The following GALNT13 variants were observed in gnomAD, a reference collection of about 807,000 sequenced individuals.
GALNT13 encodes UDP-GalNAc:polypeptide N-acetylgalactosaminyltransferase 13.
GALNT13 carries 28 observed loss-of-function variants against 64.2 expected under a neutral mutation model. That is an observed-to-expected ratio of 0.44 (90% CI 0.32 to 0.60). GALNT13 has a LOEUF of 0.60. Among genes scored for constraint, GALNT13 ranks in the 20% least tolerant of loss-of-function variants. The probability of loss-of-function intolerance (pLI) is 0.05; values close to 1 mark genes in which losing one functional copy is unlikely to be tolerated. For synonymous variants in GALNT13, 214 were observed against 224.6 expected, an observed-to-expected ratio of 0.95 and a Z score of 0.42; for missense variants, 577 against 669.8, an observed-to-expected ratio of 0.86 and a Z score of 1.53.
intron 4 of GALNT13, among the ~76,000 whole-genome samples, chr2:154,171,980 A>G (rs1685376100): frequency 7.0e-6 from 1 of 142,988 alleles, no homozygotes; most frequent in South Asian, 2.1e-4. Context: ...ATACACACAC[A>G]CACACACACA....
chr2:153,839,624 A>C, the GALNT13 span, among the ~76,000 whole-genome samples: 3 of 152,000 alleles, frequency 2.0e-5, no homozygotes, highest in Non-Finnish European at 4.4e-5. Flanking sequence ...AAAGTTTTTC[A>C]CAATATTTCT....
chr2:153,361,510 G>T, the GALNT13 span, among the ~76,000 whole-genome samples: 20 of 152,014 alleles, frequency 1.3e-4, no homozygotes, highest in African/African-American at 4.8e-4. Flanking sequence ...AGAATAACCA[G>T]CTTAGAGGGG....
At chr2:153,378,310 A>AG in the GALNT13 span, among the ~76,000 whole-genome samples, 14 of 129,836 alleles carry the variant, frequency 1.1e-4, no homozygotes, top group African/African-American at 4.1e-4. Flanking sequence ...ATAGATAGAT[A>AG]ATTTTTTTTT....
the GALNT13 span, among the ~76,000 whole-genome samples, chr2:153,150,474 T>G: frequency 5.3e-5 from 8 of 152,154 alleles, no homozygotes; most frequent in African/African-American, 1.9e-4. Context: ...GCTCTTTAGT[T>G]TAATTAGATC....
chr2:153,928,162 A>G (rs901391548), intron 2 of GALNT13, among the ~76,000 whole-genome samples: 6 of 152,108 alleles, frequency 3.9e-5, no homozygotes, highest in African/African-American at 1.4e-4. Flanking sequence ...CAATTTTACA[A>G]GATAATATAT....
At chr2:154,377,835 C>A (rs1195826538) in intron 9 of GALNT13, among the ~76,000 whole-genome samples, 1 of 151,950 alleles carries the variant, frequency 6.6e-6, no homozygotes, top group Non-Finnish European at 1.5e-5. Context: ...AGATCATGAA[C>A]AGGAACTGGG....
At chr2:153,587,532 G>A in the GALNT13 span, among the ~76,000 whole-genome samples, 2 of 152,178 alleles carry the variant, frequency 1.3e-5, no homozygotes, top group Non-Finnish European at 2.9e-5. Flanking sequence ...GAGAGAACTT[G>A]TGCAGGGGAA....
chr2:154,089,812 C>T (rs1574480942), intron 3 of GALNT13, among the ~76,000 whole-genome samples: 2 of 140,990 alleles, frequency 1.4e-5, no homozygotes, highest in South Asian at 2.2e-4. Flanking sequence ...AGATATTACC[C>T]TTTTTTTTTT....
chr2:154,167,585 C>CT lies in GALNT13; in HGVS notation c.311+27086dup, dbSNP rs201101800. On this transcript the variant is annotated intron_variant, in intron 4 of 12. Transcript: ENST00000392825. The stretch of plus-strand genomic sequence containing the variant: ...TTTTACTCCTTTCCTTTCCATTCTC[C>CT]TTTTTTCCTACCACTTCAGCCCAAA... Among the ~76,000 whole-genome samples the CT allele has an allele frequency of 6.2e-4, 94 of 152,190 alleles. 2 individuals are homozygous for CT. In the East Asian group the frequency reaches 0.016, roughly 26 times the overall value.
the GALNT13 span, among the ~76,000 whole-genome samples, chr2:153,425,879 T>G: frequency 2.0e-5 from 3 of 152,014 alleles, no homozygotes; most frequent in South Asian, 6.2e-4. Flanking sequence ...CTTTTTCTTC[T>G]TGAGTCATTC....
the GALNT13 span, among the ~76,000 whole-genome samples, chr2:153,102,511 G>A: frequency 2.6e-5 from 4 of 152,036 alleles, no homozygotes; most frequent in Non-Finnish European, 4.4e-5. Flanking sequence ...CTTCCTTGGA[G>A]GAAAATGTAA....
chr2:153,906,298 G>T (rs547925653), intron 2 of GALNT13, among the ~76,000 whole-genome samples: 14 of 150,826 alleles, frequency 9.3e-5, no homozygotes, highest in African/African-American at 3.2e-4. Context: ...ACAATGTGCA[G>T]GTTTGTTACA....
intron 3 of GALNT13, among the ~76,000 whole-genome samples, chr2:154,102,240 C>T (rs1360256960): frequency 6.6e-6 from 1 of 152,112 alleles, no homozygotes; most frequent in Non-Finnish European, 1.5e-5. Flanking sequence ...GGATATCCCC[C>T]TTCTACAACC....
At chr2:154,385,417 T>C (rs540320260) in intron 9 of GALNT13, among the ~76,000 whole-genome samples, 1 of 152,094 alleles carries the variant, frequency 6.6e-6, no homozygotes, top group Non-Finnish European at 1.5e-5. Flanking sequence ...TTTCCCTTTA[T>C]AGGTTTTTCA....
chr2:154,427,305 A>G (rs562011284), intron 11 of GALNT13, among the ~76,000 whole-genome samples: 1 of 152,342 alleles, frequency 6.6e-6, no homozygotes, highest in Admixed American at 6.5e-5. Context: ...AGTATTGTCC[A>G]ATTCCAAATA....
chr2:153,542,630 G>A, the GALNT13 span, among the ~76,000 whole-genome samples: 1 of 152,158 alleles, frequency 6.6e-6, no homozygotes, highest in Non-Finnish European at 1.5e-5. Context: ...AGAGGATGAA[G>A]AACCCAACTA....
the GALNT13 span, among the ~76,000 whole-genome samples, chr2:153,513,376 C>A: frequency 2.6e-5 from 4 of 152,162 alleles, no homozygotes; most frequent in African/African-American, 9.7e-5. Context: ...GTTTCCCTTA[C>A]TCATTCCCCT....
At chr2:153,914,799 C>T (rs903830677) in intron 2 of GALNT13, among the ~76,000 whole-genome samples, 1 of 152,042 alleles carries the variant, frequency 6.6e-6, no homozygotes, top group Non-Finnish European at 1.5e-5. Flanking sequence ...TTTTTCCAAC[C>T]CTTTCCGTCT....
intron 3 of GALNT13, among the ~76,000 whole-genome samples, chr2:154,002,354 G>T (rs1695969417): frequency 1.3e-5 from 2 of 150,788 alleles, no homozygotes. Context: ...ACTCTTTCTT[G>T]GTCTTTCTTT....
Sources: allele counts gnomAD v4.1 joint callset (sites outside exome capture counted in the v4.1 genomes callset), GRCh38; gene constraint gnomAD v4.1.1; transcripts MANE v1.5; gene names NCBI Gene and HGNC (gene_info 2026-07-23, HGNC 2026-07-21).